UFSP2: variants seen among roughly 807,000 people sequenced by gnomAD.
UFSP2 encodes the protein ufm1-specific protease 2.
In UFSP2, 43 loss-of-function variants were observed where a neutral mutation model predicts 60.2. The ratio of observed to expected loss-of-function variants is 0.71; its 90% CI spans 0.56 to 0.92. The LOEUF (loss-of-function observed/expected upper bound fraction) is 0.92. Ranked by LOEUF, UFSP2 falls within the 40% of genes least tolerant of loss-of-function variation. The pLI is 0.00. For synonymous variants in UFSP2, 183 were observed against 195.1 expected, an observed-to-expected ratio of 0.94 and a Z score of 0.52; for missense variants, 520 against 575.0, an observed-to-expected ratio of 0.90 and a Z score of 0.98.
At chr4:185,401,512 A>G (rs982478107) in intron 11 of UFSP2, among the ~76,000 whole-genome samples, 2 of 152,168 alleles carry the variant, frequency 1.3e-5, no homozygotes, top group African/African-American at 4.8e-5. Context: ...ATGGGATTGC[A>G]TAGGGACATA....
At chr4:185,424,587 T>C (rs1253958436) in intron 1 of UFSP2, among the ~76,000 whole-genome samples, 1 of 152,250 alleles carries the variant, frequency 6.6e-6, no homozygotes, top group African/African-American at 2.4e-5. Flanking sequence ...GTTGTCCATT[T>C]ATTCTACCGT....
intron 10 of UFSP2, among the ~76,000 whole-genome samples, chr4:185,404,151 A>AC (rs1313084839): frequency 1.3e-5 from 2 of 152,074 alleles, no homozygotes; most frequent in African/African-American, 4.8e-5. Context: ...TTCTACATTC[A>AC]CATCCATATA....
chr4:185,424,179 C>A (rs1220692202), intron 1 of UFSP2, among the ~76,000 whole-genome samples: 1 of 150,970 alleles, frequency 6.6e-6, no homozygotes, highest in Non-Finnish European at 1.5e-5. Context: ...TGGTGGTCTG[C>A]ACCTGTAGTC....
intron 7 of UFSP2, among the ~76,000 whole-genome samples, chr4:185,410,153 A>G (rs2095526717): frequency 6.6e-6 from 1 of 151,678 alleles, no homozygotes; most frequent in African/African-American, 2.4e-5. Context: ...AAACAAGAAG[A>G]AAAAAAAAGC....
intron 11 of UFSP2, among the ~76,000 whole-genome samples, chr4:185,402,964 C>T (rs2095515059): frequency 6.6e-6 from 1 of 152,086 alleles, no homozygotes; most frequent in Non-Finnish European, 1.5e-5. Context: ...AATTAGTTGC[C>T]TATGAATTAA....
intron 7 of UFSP2, among the ~76,000 whole-genome samples, chr4:185,410,271 G>T (rs533499332): frequency 6.6e-6 from 1 of 152,228 alleles, no homozygotes; most frequent in East Asian, 1.9e-4. Flanking sequence ...ACTTAGAAGT[G>T]AACAAAACTA....
chr4:185,400,446 C>T lies in UFSP2; in HGVS notation c.1356G>A (p.Trp452Ter). 1 of 1,613,740 alleles carries T rather than the reference C, an allele frequency of 6.2e-7. No individual in the cohort carries two copies. Among genetic ancestry groups the T allele is most frequent in the Non-Finnish European group, 8.5e-7 (1 of 1,179,836 alleles). ...GWCGWKGPDFWNKDAYYNLCL... is the reference protein window; with the variant it reads ...GWCGWKGPDF ...ATAAGTTATAGTATGCATCCTTGTTCCAAAAATCTGGGCCCTTCCATCCGC... is the reference window on the plus strand; with the variant it reads ...ATAAGTTATAGTATGCATCCTTGTTTCAAAAATCTGGGCCCTTCCATCCGC... Residue 452 changes from tryptophan to a stop codon, truncating the protein, a stop_gained, in exon 12 of 12, where the codon TGG becomes TGA. Coordinates refer to ENST00000264689, the MANE Select transcript of UFSP2 (RefSeq NM_018359.5). LOFTEE classifies it high-confidence loss of function.
chr4:185,403,800 C>G (rs916276146), intron 10 of UFSP2, among the ~76,000 whole-genome samples, 182 bp from the exon 11 acceptor site: 3 of 151,658 alleles, frequency 2.0e-5, no homozygotes, highest in African/African-American at 7.3e-5. Flanking sequence ...CAGTGAAACC[C>G]TGTCTCTACT....
At chr4:185,416,507 T>C (rs984883071) in intron 4 of UFSP2, among the ~76,000 whole-genome samples, 1 of 152,212 alleles carries the variant, frequency 6.6e-6, no homozygotes, top group Non-Finnish European at 1.5e-5. Context: ...CTGAGGATCC[T>C]GGGAGTCAGA....
In UFSP2 at chr4:185,399,937, A is replaced by C. The variant is rs2095511209; in HGVS notation, c.*455T>G. ...ACTTACCAGAGTCTAGAGACCAAAA[A>C]TGGGACTGCATGGTGGAAGTTTGGG... On this transcript the variant is annotated 3_prime_UTR_variant, in exon 12 of 12. Transcript: ENST00000264689. 6.4e-7 allele frequency: 1 copy of C among 1,559,604 alleles called. No individual in the cohort carries two copies. The highest frequency in any genetic ancestry group is 8.6e-7 in the Non-Finnish European group (1 of 1,158,166).
At chr4:185,405,889 A>G (rs759935643) in intron 9 of UFSP2, 33 bp from the exon 10 acceptor site, 2 of 1,613,740 alleles carry the variant, frequency 1.2e-6, no homozygotes, top group African/African-American at 2.7e-5. Flanking sequence ...CAGATGAACT[A>G]CTTCCAACAC....
intron 7 of UFSP2, among the ~76,000 whole-genome samples, chr4:185,411,985 A>G (rs1417851166): frequency 6.6e-6 from 1 of 152,250 alleles, no homozygotes; most frequent in African/African-American, 2.4e-5. Context: ...GAAGGAAATG[A>G]TGAACACAAA....
At chr4:185,405,905 T>C (rs756975295) in intron 9 of UFSP2, 49 bp from the exon 10 acceptor site, 1 of 1,613,408 alleles carries the variant, frequency 6.2e-7, no homozygotes, top group South Asian at 1.1e-5. Context: ...AACACTACGG[T>C]CAAATAATGA....
Position 185,425,891 on chromosome 4 carries a change from G to T in UFSP2, c.-23C>A. On this transcript the variant is annotated 5_prime_UTR_variant, in exon 1 of 12. Transcript: ENST00000264689. ...CATGTCCGCGACGTGGCGGTGACACGGGCGCTGACGCCTGCCCAAAAGTTC... is the reference window on the plus strand; with the variant it reads ...CATGTCCGCGACGTGGCGGTGACACTGGCGCTGACGCCTGCCCAAAAGTTC... The T allele has an allele frequency of 6.3e-7, 1 of 1,596,302 alleles. No individual in the cohort carries two copies. Among genetic ancestry groups the T allele is most frequent in the South Asian group, 1.1e-5 (1 of 88,396 alleles).
intron 11 of UFSP2, among the ~76,000 whole-genome samples, chr4:185,403,099 T>C (rs2095515182): frequency 6.6e-6 from 1 of 152,222 alleles, no homozygotes; most frequent in South Asian, 2.1e-4. Flanking sequence ...CAAGCCTCCA[T>C]AATGTCTAGC....
intron 1 of UFSP2, among the ~76,000 whole-genome samples, chr4:185,424,115 A>G: frequency 6.7e-6 from 1 of 148,784 alleles, no homozygotes; most frequent in Non-Finnish European, 1.5e-5. Context: ...CAGACTGGGC[A>G]ACATAGGAAG....
intron 1 of UFSP2, 99 bp from the exon 2 acceptor site, chr4:185,422,662 A>G: frequency 1.3e-6 from 1 of 789,262 alleles, no homozygotes; most frequent in Non-Finnish European, 2.0e-6. Context: ...ACATTAATTA[A>G]CCTTGATTCT....
intron 4 of UFSP2, among the ~76,000 whole-genome samples, chr4:185,416,932 A>G (rs1257727170): frequency 6.6e-6 from 1 of 152,248 alleles, no homozygotes; most frequent in Admixed American, 6.5e-5. Flanking sequence ...TTAATATTGG[A>G]TTCTGGCAGA....
rs57172703 is a variant in UFSP2, at chr4:185,413,571, T to C, written c.831+155A>G. On this transcript the variant is annotated intron_variant, in intron 7 of 11. Transcript: ENST00000264689. Reference sequence around the variant, plus strand: ...ACTTTTCTAGACCATTTTTAATTACTGCTATCTTAAGCAATGTCTGTTAAC... The same window carrying C: ...ACTTTTCTAGACCATTTTTAATTACCGCTATCTTAAGCAATGTCTGTTAAC... Among the ~76,000 whole-genome samples the C allele has an allele frequency of 0.073, 11,121 of 152,262 alleles. 651 individuals carry two copies. The highest frequency in any genetic ancestry group is 0.15 in the African/African-American group (6,351 of 41,524).
Sources: gnomAD v4.1 joint callset for allele counts (sites outside exome capture counted in the v4.1 genomes callset) on GRCh38, gnomAD v4.1.1 for gene constraint, MANE v1.5 for transcripts, NCBI Gene and HGNC (gene_info 2026-07-23, HGNC 2026-07-21) for gene names.